SLC35A5: variants seen among roughly 807,000 people sequenced by gnomAD.
SLC35A5 encodes UDP-sugar transporter protein SLC35A5.
A neutral mutation model predicts 36.3 loss-of-function variants in SLC35A5; 28 were observed. The observed-to-expected ratio is 0.77, with a 90% CI of 0.57 to 1.06. The LOEUF (loss-of-function observed/expected upper bound fraction) is 1.06. SLC35A5 is among the 50% of genes least tolerant of loss of function. The probability of loss-of-function intolerance (pLI) is 0.00; values close to 1 mark genes in which losing one functional copy is unlikely to be tolerated. For missense variants in SLC35A5, 521 were observed against 499.3 expected (o/e 1.04, Z -0.41); for synonymous variants, 180 against 173.7 (o/e 1.04, Z -0.29).
intron 5 of SLC35A5, among the ~76,000 whole-genome samples, chr3:112,576,733 A>G (rs530328897): frequency 1.6e-4 from 25 of 152,296 alleles, no homozygotes; most frequent in Admixed American, 1.4e-3. Context: ...ATTTCCTTCC[A>G]ATTTTTAAAG....
Position 112,563,506 on chromosome 3 carries a change from T to A in SLC35A5, c.103T>A (p.Leu35Ile). Residue 35 changes from leucine to isoleucine, a missense_variant, in exon 2 of 7, where the codon TTA becomes ATA. Transcript: ENST00000492406. ...IFIALSSSRI[L>I]LVKYSANEEN... ...CATTGCTTTAAGCTCAAGTCGCATC[T>A]TACTAGTGAAGTATTCTGCCAATGA... 1 of 1,606,058 alleles carries A rather than the reference T, an allele frequency of 6.2e-7. No homozygotes were observed. The highest frequency in any genetic ancestry group is 8.5e-7 in the Non-Finnish European group (1 of 1,173,846).
Position 112,566,635 on chromosome 3 carries a change from GAGAA to G in SLC35A5, c.131-2531_131-2528del, listed in dbSNP as rs1934207948. 2.6e-5 allele frequency among the ~76,000 whole-genome samples: 4 copies of G among 152,288 alleles called. No individual in the cohort carries two copies. The South Asian group carries it at 8.3e-4, about 32-fold the overall frequency. On this transcript the variant is annotated intron_variant, in intron 2 of 6. Coordinates refer to ENST00000492406, the MANE Select transcript of SLC35A5 (RefSeq NM_017945.5). ...AGAAAGGAAAGAAAGTTTGAAGACT[GAGAA>G]AGAATGGCAACATCATGATAAGCTA...
intron 2 of SLC35A5, among the ~76,000 whole-genome samples, chr3:112,566,396 G>A (rs1934198528): frequency 1.3e-5 from 2 of 152,152 alleles, no homozygotes; most frequent in Non-Finnish European, 2.9e-5. Flanking sequence ...TTTATAGTGG[G>A]CAATAAGTTA....
At chr3:112,570,752 G>C in intron 4 of SLC35A5, 82 bp downstream of exon 4, 1 of 1,347,184 alleles carries the variant, frequency 7.4e-7, no homozygotes, top group Non-Finnish European at 9.9e-7. Context: ...TATCATTTTT[G>C]TTGGCATTGT....
intron 4 of SLC35A5, among the ~76,000 whole-genome samples, chr3:112,573,293 A>C (rs933812035): frequency 6.6e-6 from 1 of 152,040 alleles, no homozygotes; most frequent in African/African-American, 2.4e-5. Flanking sequence ...TAATACTCTC[A>C]TGTGTGAAAT....
rs1163601266 is a variant in SLC35A5 at position 112,584,174 on chromosome 3, CTG to C, written c.*1440_*1441del. On this transcript the variant is annotated 3_prime_UTR_variant, in exon 7 of 7. Transcript: ENST00000492406. ...TAAACCTATGTCTTGTGTTGCCACT[CTG>C]TCATTTAGGGTGGGATGTAGAGTAC... The C allele has an allele frequency of 2.0e-5, 3 of 152,122 alleles. No homozygotes were observed. The highest frequency in any genetic ancestry group is 7.2e-5 in the African/African-American group (3 of 41,430). The allele number at this position is 152,122 out of a possible 1,614,324, so 9.4% of individuals were successfully genotyped here.
intron 5 of SLC35A5, among the ~76,000 whole-genome samples, chr3:112,580,212 A>T (rs565529042): frequency 1.4e-3 from 220 of 152,292 alleles, no homozygotes; most frequent in Non-Finnish European, 2.6e-3. Context: ...CTCTGCTGTA[A>T]CTTTATAGTA....
chr3:112,561,446 G>C (rs751691687), upstream of SLC35A5: 2 of 1,611,896 alleles, frequency 1.2e-6, no homozygotes, highest in East Asian at 2.2e-5. Context: ...GGCAACCCTG[G>C]CCTGGCTTAC....
intron 3 of SLC35A5, 21 bp from the exon 4 acceptor site, chr3:112,570,519 T>C (rs1173900635): frequency 7.5e-6 from 12 of 1,598,796 alleles, no homozygotes; most frequent in Admixed American, 3.5e-5. Flanking sequence ...CAAGGTCATT[T>C]ACACCGTGTT....
At chr3:112,570,404 A>G in intron 3 of SLC35A5, 136 bp from the exon 4 acceptor site, 1 of 914,094 alleles carries the variant, frequency 1.1e-6, no homozygotes, top group Non-Finnish European at 1.6e-6. Flanking sequence ...GGTGGGTTGA[A>G]GAGAGACAGT....
intron 2 of SLC35A5, among the ~76,000 whole-genome samples, chr3:112,565,813 G>A (rs1187689995): frequency 1.3e-5 from 2 of 152,118 alleles, no homozygotes; most frequent in Admixed American, 6.6e-5. Flanking sequence ...AGAAGAAAGA[G>A]AAGGAGTGGT....
chr3:112,582,751 G>A lies in SLC35A5; in HGVS notation c.*15G>A, dbSNP rs1176012203. On this transcript the variant is annotated 3_prime_UTR_variant, in exon 7 of 7. Transcript: ENST00000492406. ...ATACTTTCTAACTGGTACCCACATA[G>A]TTTGCAGCTCTCTTGAACCTTATTT... The A allele has an allele frequency of 6.2e-7, 1 of 1,601,858 alleles. No homozygotes were observed. Among genetic ancestry groups the A allele is most frequent in the Non-Finnish European group, 8.5e-7 (1 of 1,170,058 alleles).
In SLC35A5 at chr3:112,570,564, A is replaced by G. The variant is rs1268481655; in HGVS notation, c.254A>G (p.Tyr85Cys). 2 of 1,607,924 alleles carry G rather than the reference A, an allele frequency of 1.2e-6. No individual in the cohort carries two copies. Among genetic ancestry groups the G allele is most frequent in the Non-Finnish European group, 1.7e-6 (2 of 1,178,202 alleles). Residue 85 changes from tyrosine (Y) to cysteine (C), a missense_variant, in exon 4 of 7, where the codon TAT becomes TGT. Tyr to Cys is a radical substitution (Grantham distance 194). Coordinates refer to ENST00000492406, the MANE Select transcript of SLC35A5 (RefSeq NM_017945.5). ...KKDHQSRNLKYASWKEFSDFM... is the reference protein window; with the variant it reads ...KKDHQSRNLKCASWKEFSDFM... ...GATCATCAAAGTAGAAATTTGAAAT[A>G]TGCTTCCTGGAAGGAATTCTCTGAT...
intron 2 of SLC35A5, among the ~76,000 whole-genome samples, chr3:112,568,810 G>A (rs1362925876): frequency 6.6e-6 from 1 of 152,236 alleles, no homozygotes; most frequent in Non-Finnish European, 1.5e-5. Context: ...CAGCAGGTCA[G>A]TTCATAGCTG....
intron 6 of SLC35A5, 115 bp downstream of exon 6, chr3:112,581,441 A>G (rs990573656): frequency 6.5e-6 from 7 of 1,073,974 alleles, no homozygotes; most frequent in African/African-American, 1.6e-5. Context: ...TGGATCTCTG[A>G]CTTTTAAAAC....
chr3:112,567,644 G>A (rs1189002575), intron 2 of SLC35A5, among the ~76,000 whole-genome samples: 8 of 152,194 alleles, frequency 5.3e-5, no homozygotes, highest in Admixed American at 1.3e-4. Context: ...ATTAATAGTC[G>A]GGCCTTAGCC....
chr3:112,581,201 G>A lies in SLC35A5; in HGVS notation c.1084G>A (p.Glu362Lys). 1 of 1,613,830 alleles carries A rather than the reference G, an allele frequency of 6.2e-7. No homozygotes were observed. ...CAGGCCCTCCCTGGAATTTTTCTTGGAAGCCCCATCAGTCCTTCTCTCTAT... is the reference window on the plus strand; with the variant it reads ...CAGGCCCTCCCTGGAATTTTTCTTGAAAGCCCCATCAGTCCTTCTCTCTAT... The part of the protein sequence containing the change: ...DFRPSLEFFL[E>K]APSVLLSIFI... The change falls in exon 6 of 7, where the codon GAA (glutamate) becomes AAA (lysine). Residue 362 changes from glutamate to lysine, a missense_variant. Coordinates refer to ENST00000492406, the MANE Select transcript of SLC35A5 (RefSeq NM_017945.5).
chr3:112,581,652 T>A (rs116727352), intron 6 of SLC35A5, among the ~76,000 whole-genome samples: 10,171 of 152,192 alleles, frequency 0.067, 419 homozygotes, highest in Admixed American at 0.12. Flanking sequence ...GGCAAAATGG[T>A]TTACAGATAA....
rs1231435547 is a variant in SLC35A5, at chr3:112,564,535, A to T, written c.130+1002A>T. On this transcript the variant is annotated intron_variant, in intron 2 of 6. Transcript: ENST00000492406. ...TTTACTCCGAGACATTCCATTGCCC[A>T]GGGACGAGCAGGAGACAGATGCCTT... is the stretch of plus-strand genomic sequence containing the variant. Among the ~76,000 whole-genome samples the T allele has an allele frequency of 4.6e-5, 7 of 152,112 alleles. No individual in the cohort carries two copies. The East Asian group carries it at 9.6e-4, about 21-fold the overall frequency.
Sources: gnomAD v4.1 joint callset for allele counts (sites outside exome capture counted in the v4.1 genomes callset) on GRCh38, gnomAD v4.1.1 for gene constraint, MANE v1.5 for transcripts, NCBI Gene and HGNC (gene_info 2026-07-23, HGNC 2026-07-21) for gene names.